The following SLC7A11 variants were observed in gnomAD, a reference collection of about 807,000 sequenced individuals.
SLC7A11 encodes solute carrier family 7 member 11, also known as cystine/glutamate transporter.
In SLC7A11, 35 loss-of-function variants were observed where a neutral mutation model predicts 54.5. The ratio of observed to expected loss-of-function variants is 0.64; its 90% CI spans 0.49 to 0.85. SLC7A11 has a LOEUF of 0.85. Among genes scored for constraint, SLC7A11 ranks in the 40% least tolerant of loss-of-function variants. The pLI is 0.00. For missense variants in SLC7A11, 583 were observed against 618.1 expected (o/e 0.94, Z 0.60); for synonymous variants, 230 against 225.2 (o/e 1.02, Z -0.19).
chr4:138,195,935 G>T (rs1737120443), intron 6 of SLC7A11, among the ~76,000 whole-genome samples: 1 of 151,956 alleles, frequency 6.6e-6, no homozygotes, highest in African/African-American at 2.4e-5. Context: ...GGCTTCTTTG[G>T]CCTCTTTTGT....
Position 138,208,109 on chromosome 4 carries a change from A to G in SLC7A11, c.791+6476T>C, listed in dbSNP as rs375740703. On this transcript the variant is annotated intron_variant, in intron 6 of 11. Coordinates refer to ENST00000280612, the MANE Select transcript of SLC7A11 (RefSeq NM_014331.4). ...ACTTCTTCGAGGTTTTCATTGGTAC[A>G]AGGTGTGATGACTTTGAGGCATCAA... Among the ~76,000 whole-genome samples, 274 of 152,236 alleles carry G rather than the reference A, an allele frequency of 1.8e-3. 2 individuals carry two copies. The highest frequency in any genetic ancestry group is 6.1e-3 in the African/African-American group (254 of 41,558).
At chr4:138,199,590 G>A (rs1487074413) in intron 6 of SLC7A11, among the ~76,000 whole-genome samples, 2 of 152,096 alleles carry the variant, frequency 1.3e-5, no homozygotes, top group Non-Finnish European at 2.9e-5. Context: ...ATAGATCAGA[G>A]GCAGGGAGTG....
chr4:138,174,782 C>T (rs1736528187), intron 11 of SLC7A11: 1 of 152,186 alleles, frequency 6.6e-6, no homozygotes, highest in Non-Finnish European at 1.5e-5. Flanking sequence ...TTGGTGTTTT[C>T]AGTAACTGTA....
chr4:138,180,684 A>G lies in SLC7A11; in HGVS notation c.1223T>C (p.Ile408Thr), dbSNP rs747608707. The G allele has an allele frequency of 6.2e-7, 1 of 1,613,038 alleles. No individual in the cohort carries two copies. Among genetic ancestry groups the G allele is most frequent in the South Asian group, 1.1e-5 (1 of 91,060 alleles). ...LFIGLAVAGL[I>T]YLRYKCPDMH... is the part of the protein sequence containing the mutation. ...ATCTGGGCATTTGTATCGAAGATAA[A>G]TCAGCCCAGCAACTGCCAGCCCAAT... The change falls in exon 10 of 12, where the codon ATT (isoleucine) becomes ACT (threonine). Residue 408 changes from isoleucine to threonine, a missense_variant. Transcript: ENST00000280612.
chr4:138,182,351 G>A lies in SLC7A11; in HGVS notation c.1062C>T (p.Ile354=). ...GCTTGCGGACATGAATCATGGAGAG[G>A]ATTTCTGGAAGGTGACCCTCTCGAG... ...VASREGHLPE[I]LSMIHVRKHT... is the part of the protein sequence containing the mutation. The change falls in exon 9 of 12, where the codon ATC becomes ATT. Residue 354 remains isoleucine, a synonymous_variant. Coordinates refer to ENST00000280612, the MANE Select transcript of SLC7A11 (RefSeq NM_014331.4). 1 of 1,612,142 alleles carries A rather than the reference G, an allele frequency of 6.2e-7. No individual in the cohort carries two copies. The highest frequency in any genetic ancestry group is 8.5e-7 in the Non-Finnish European group (1 of 1,178,656).
Position 138,164,107 on chromosome 4 carries a change from T to TATCA in SLC7A11, c.*7845_*7848dup, listed in dbSNP as rs1179786814. The TATCA allele has an allele frequency of 6.6e-6, 1 of 152,578 alleles. No individual in the cohort carries two copies. The highest frequency in any genetic ancestry group is 1.5e-5 in the Non-Finnish European group (1 of 68,004). 9.5% of individuals were successfully genotyped at this position (152,578 alleles called of 1,614,324 possible). A position where few individuals can be genotyped will look rare whatever the true frequency, so the allele number is the denominator to read the frequency against. On this transcript the variant is annotated 3_prime_UTR_variant, in exon 12 of 12. Transcript: ENST00000280612. ...ACATGACGACATTTATTATGTAAAC[T>TATCA]ATCAAATGTTTATTTAAATTTCCAT...
At chr4:138,204,822 G>T (rs371867669) in intron 6 of SLC7A11, among the ~76,000 whole-genome samples, 1 of 151,914 alleles carries the variant, frequency 6.6e-6, no homozygotes, top group South Asian at 2.1e-4. Context: ...AATAAATAGC[G>T]ATTCCCATCA....
chr4:138,233,277 C>A (rs1474229409), intron 2 of SLC7A11, among the ~76,000 whole-genome samples: 1 of 151,854 alleles, frequency 6.6e-6, no homozygotes, highest in Non-Finnish European at 1.5e-5. Flanking sequence ...CTCCGCCTCC[C>A]GTGTTCAAGC....
rs1368454874 is a variant in SLC7A11, at chr4:138,185,022, A to T, written c.915+99T>A. On this transcript the variant is annotated intron_variant, in intron 7 of 11. Transcript: ENST00000280612. ...CTATTATTCAGGTCAAGAAAAGATT[A>T]CTGAATTTCAAAACACTTTCTGCTA... 10 of 1,328,482 alleles carry T rather than the reference A, an allele frequency of 7.5e-6. No homozygotes were observed. The East Asian group carries it at 1.9e-4, about 25-fold the overall frequency. The allele number at this position is 1,328,482 out of a possible 1,614,324, so 82.3% of individuals were successfully genotyped here.
chr4:138,196,995 A>C (rs939102347), intron 6 of SLC7A11, among the ~76,000 whole-genome samples: 3 of 152,212 alleles, frequency 2.0e-5, no homozygotes, highest in Non-Finnish European at 4.4e-5. Flanking sequence ...GCAAACCTCT[A>C]ATAAGAATTT....
At chr4:138,178,085 C>G (rs1318951210) in intron 11 of SLC7A11, 1 of 152,160 alleles carries the variant, frequency 6.6e-6, no homozygotes, top group Non-Finnish European at 1.5e-5. Context: ...TGAATTCTCT[C>G]ATGCTATAAT....
chr4:138,176,287 T>C (rs1736569002), intron 11 of SLC7A11: 1 of 152,170 alleles, frequency 6.6e-6, no homozygotes, highest in South Asian at 2.1e-4. Flanking sequence ...GTTACAATGA[T>C]CGCAGTTTAA....
At chr4:138,194,801 T>C (rs1214385015) in intron 6 of SLC7A11, among the ~76,000 whole-genome samples, 2 of 152,170 alleles carry the variant, frequency 1.3e-5, no homozygotes, top group Non-Finnish European at 2.9e-5. Context: ...TCCCCATGAG[T>C]TGACAAGGGT....
At chr4:138,196,052 C>G (rs1047768686) in intron 6 of SLC7A11, among the ~76,000 whole-genome samples, 3 of 152,070 alleles carry the variant, frequency 2.0e-5, no homozygotes, top group Non-Finnish European at 4.4e-5. Flanking sequence ...AGTTAAGAGG[C>G]AGCTTAACAG....
chr4:138,192,903 G>C (rs1344070966), intron 6 of SLC7A11, among the ~76,000 whole-genome samples: 2 of 151,948 alleles, frequency 1.3e-5, no homozygotes, highest in Non-Finnish European at 2.9e-5. Flanking sequence ...TTTTGCCCAA[G>C]GACTCATAAT....
At chr4:138,182,812 CA>C (rs924620973) in intron 8 of SLC7A11, among the ~76,000 whole-genome samples, 4 of 151,944 alleles carry the variant, frequency 2.6e-5, no homozygotes, top group Non-Finnish European at 1.5e-5. Flanking sequence ...TATATTAAAA[CA>C]AAAAGACTAT....
In SLC7A11 at chr4:138,167,417, G is replaced by T. The variant is rs1210385036; in HGVS notation, c.*4539C>A. ...TTCGCCCGCCTCAGCCTCCCAAAGT[G>T]CTGGGATTACAGGCATGAGCCACCG... is the stretch of plus-strand genomic sequence containing the variant. On this transcript the variant is annotated 3_prime_UTR_variant, in exon 12 of 12. Coordinates refer to ENST00000280612, the MANE Select transcript of SLC7A11 (RefSeq NM_014331.4). 6.6e-6 allele frequency: 1 copy of T among 152,070 alleles called. No homozygotes were observed. Among genetic ancestry groups the T allele is most frequent in the African/African-American group, 2.4e-5 (1 of 41,396 alleles). 9.4% of individuals were successfully genotyped at this position (152,070 alleles called of 1,614,324 possible). A position where few individuals can be genotyped will look rare whatever the true frequency, so the allele number is the denominator to read the frequency against.
chr4:138,232,161 C>T, intron 3 of SLC7A11, 106 bp downstream of exon 3: 1 of 786,248 alleles, frequency 1.3e-6, no homozygotes, highest in South Asian at 1.5e-5. Flanking sequence ...GCAAAAAGAA[C>T]ATGATGTGAG....
At position 138,214,630 on chromosome 4, in the gene SLC7A11, C is replaced by A; in HGVS notation, c.747-1G>T. 1 of 1,269,908 alleles carries A rather than the reference C, an allele frequency of 7.9e-7. No homozygotes were observed. Among genetic ancestry groups the A allele is most frequent in the Non-Finnish European group, 1.1e-6 (1 of 920,662 alleles). 78.7% of individuals were successfully genotyped at this position (1,269,908 alleles called of 1,614,324 possible). A position where few individuals can be genotyped will look rare whatever the true frequency, so the allele number is the denominator to read the frequency against. ...TTCAGTAACAAAGTTGAGGTAAAACCTAAAAATAGATAAATAAATTATAAA... is the reference window on the plus strand; with the variant it reads ...TTCAGTAACAAAGTTGAGGTAAAACATAAAAATAGATAAATAAATTATAAA... On this transcript the variant is annotated splice_acceptor_variant, in intron 5 of 11. Coordinates refer to ENST00000280612, the MANE Select transcript of SLC7A11 (RefSeq NM_014331.4). LOFTEE classifies it high-confidence loss of function.
Sources: allele counts gnomAD v4.1 joint callset (sites outside exome capture counted in the v4.1 genomes callset), GRCh38; gene constraint gnomAD v4.1.1; transcripts MANE v1.5; gene names NCBI Gene and HGNC (gene_info 2026-07-23, HGNC 2026-07-21).